RSPO4: variants seen among roughly 807,000 people sequenced by gnomAD.
The protein encoded by RSPO4 is R-spondin-4.
In RSPO4, 23 loss-of-function variants were observed where a neutral mutation model predicts 24.8. The observed-to-expected ratio is 0.93, with a 90% CI of 0.67 to 1.31. The LOEUF is 1.31. Ranked by LOEUF, RSPO4 falls within the 40% of genes most tolerant of loss-of-function variation. The pLI, the probability that RSPO4 is intolerant of heterozygous loss-of-function variation, is 0.00. For missense variants in RSPO4, 333 were observed against 316.5 expected (o/e 1.05, Z -0.39); for synonymous variants, 141 against 127.4 (o/e 1.11, Z -0.72).
chr20:976,808 TA>T (rs200553542), intron 1 of RSPO4, among the ~76,000 whole-genome samples: 3 of 151,654 alleles, frequency 2.0e-5, no homozygotes, highest in Admixed American at 6.6e-5. Context: ...ACATTTTTTT[TA>T]AAAAAAACAA....
At chr20:997,858 C>G (rs75856642) in intron 1 of RSPO4, among the ~76,000 whole-genome samples, 8,430 of 152,264 alleles carry the variant, frequency 0.055, 328 homozygotes, top group Non-Finnish European at 0.089. Context: ...GGATGCACCA[C>G]AAGCAAGAGG....
chr20:988,909 C>A (rs1985006192), intron 1 of RSPO4, among the ~76,000 whole-genome samples: 1 of 152,182 alleles, frequency 6.6e-6, no homozygotes, highest in Admixed American at 6.5e-5. Context: ...TACCCCACAG[C>A]CTCCTCCATA....
intron 1 of RSPO4, among the ~76,000 whole-genome samples, chr20:1,001,412 G>C (rs887116990): frequency 6.6e-6 from 1 of 152,182 alleles, no homozygotes; most frequent in Non-Finnish European, 1.5e-5. Flanking sequence ...AGGTGAGAGC[G>C]CATGCGGCCC....
At position 958,542 on chromosome 20, in the gene RSPO4, C is replaced by T. The variant is rs1383801214; in HGVS notation, c.*1815G>A. ...CAACGGAGCATTTCAGAGGCACAAA[C>T]GTTTGCAGAAGAGAAGCTGGTGGCC... On this transcript the variant is annotated 3_prime_UTR_variant, in exon 5 of 5. Transcript: ENST00000217260. 2.0e-5 allele frequency: 3 copies of T among 151,316 alleles called. No homozygotes were observed. The highest frequency in any genetic ancestry group is 4.9e-5 in the African/African-American group (2 of 41,002). 9.4% of individuals were successfully genotyped at this position (151,316 alleles called of 1,614,324 possible).
chr20:979,922 A>T (rs1009806232), intron 1 of RSPO4, among the ~76,000 whole-genome samples: 1 of 151,966 alleles, frequency 6.6e-6, no homozygotes, highest in Non-Finnish European at 1.5e-5. Flanking sequence ...TAGGTTCTAA[A>T]TTTGGCAAGT....
At chr20:982,371 G>A (rs776157038) in intron 1 of RSPO4, among the ~76,000 whole-genome samples, 40 of 152,206 alleles carry the variant, frequency 2.6e-4, no homozygotes, top group Non-Finnish European at 5.3e-4. Flanking sequence ...TCATGCAATT[G>A]TCCTATAGGT....
At chr20:965,979 C>T (rs138287561) in intron 3 of RSPO4, among the ~76,000 whole-genome samples, 8 of 152,142 alleles carry the variant, frequency 5.3e-5, no homozygotes, top group African/African-American at 4.8e-5. Flanking sequence ...GAGTCAACAG[C>T]GATGTCTGCA....
chr20:994,219 T>G (rs1413889204), intron 1 of RSPO4, among the ~76,000 whole-genome samples: 1 of 152,220 alleles, frequency 6.6e-6, no homozygotes, highest in African/African-American at 2.4e-5. Flanking sequence ...GAAAGTTAAG[T>G]ATTTTTAAAG....
chr20:1,002,253 G>T lies in RSPO4; in HGVS notation c.-89C>A, dbSNP rs1231756142. The T allele has an allele frequency of 2.6e-6, 2 of 767,910 alleles. No homozygotes were observed. The highest frequency in any genetic ancestry group is 3.4e-6 in the Non-Finnish European group (2 of 590,924). 47.6% of individuals were successfully genotyped at this position (767,910 alleles called of 1,614,324 possible). ...CGGCGGCGGCACGGCGGGCGCGGGG[G>T]CTGCTGTGGGCGCGCCGGGCGCATC... On this transcript the variant is annotated 5_prime_UTR_variant, in exon 1 of 5. Coordinates refer to ENST00000217260, the MANE Select transcript of RSPO4 (RefSeq NM_001029871.4). The surrounding 1 kb of genome is among the most constrained non-coding windows in gnomAD (Gnocchi z 4.6).
chr20:967,402 T>C (rs1984248444), intron 2 of RSPO4, 88 bp from the exon 3 acceptor site: 1 of 1,420,020 alleles, frequency 7.0e-7, no homozygotes, highest in Non-Finnish European at 9.9e-7. Flanking sequence ...GCCCTCTGGG[T>C]AGCTCCAGGC....
At chr20:974,398 C>T (rs1292528507) in intron 1 of RSPO4, among the ~76,000 whole-genome samples, 2 of 152,254 alleles carry the variant, frequency 1.3e-5, no homozygotes, top group East Asian at 3.8e-4. Context: ...TGGCCTTGAC[C>T]TAAGGCGATC....
intron 1 of RSPO4, among the ~76,000 whole-genome samples, chr20:1,000,688 G>C (rs80120093): frequency 2.0e-4 from 30 of 152,322 alleles, no homozygotes; most frequent in Non-Finnish European, 3.7e-4. Flanking sequence ...GCTGGGATTT[G>C]AACTCAGTTG....
chr20:1,000,302 G>A (rs879425315), intron 1 of RSPO4, among the ~76,000 whole-genome samples: 3 of 152,194 alleles, frequency 2.0e-5, no homozygotes, highest in Admixed American at 2.0e-4. Context: ...CCTGCTGTGC[G>A]ACCTTGGACA....
At chr20:984,905 C>A (rs1172855039) in intron 1 of RSPO4, among the ~76,000 whole-genome samples, 10 of 138,426 alleles carry the variant, frequency 7.2e-5, no homozygotes, top group African/African-American at 2.8e-4. Context: ...CCATCCCCAT[C>A]CATCCATCCA....
chr20:975,132 C>G (rs1984522570), intron 1 of RSPO4, among the ~76,000 whole-genome samples: 1 of 152,160 alleles, frequency 6.6e-6, no homozygotes, highest in Non-Finnish European at 1.5e-5. Context: ...GCTCACTAGA[C>G]AGCGAACAGA....
intron 4 of RSPO4, among the ~76,000 whole-genome samples, chr20:962,159 C>T (rs1305038576): frequency 6.6e-6 from 1 of 152,146 alleles, no homozygotes; most frequent in Non-Finnish European, 1.5e-5. Flanking sequence ...GATCACACTC[C>T]AGTAAGGAAA....
At chr20:975,888 G>A (rs757515542) in intron 1 of RSPO4, among the ~76,000 whole-genome samples, 16 of 152,200 alleles carry the variant, frequency 1.1e-4, no homozygotes, top group Non-Finnish European at 2.1e-4. Context: ...GATTAAAGGA[G>A]ATGGTACGTG....
chr20:991,476 A>G (rs1443654514), intron 1 of RSPO4, among the ~76,000 whole-genome samples: 2 of 152,198 alleles, frequency 1.3e-5, no homozygotes, highest in Non-Finnish European at 2.9e-5. Flanking sequence ...AGGTAATACA[A>G]GGAAGCCCTA....
At chr20:997,453 A>G (rs1985331002) in intron 1 of RSPO4, among the ~76,000 whole-genome samples, 1 of 152,196 alleles carries the variant, frequency 6.6e-6, no homozygotes, top group Non-Finnish European at 1.5e-5. Flanking sequence ...ACCAGCCCCT[A>G]TGCTATGAAG....
Sources: allele counts gnomAD v4.1 joint callset (sites outside exome capture counted in the v4.1 genomes callset), GRCh38; gene constraint gnomAD v4.1.1; non-coding constraint Gnocchi (gnomAD v3.1); transcripts MANE v1.5; gene names NCBI Gene and HGNC (gene_info 2026-07-23, HGNC 2026-07-21).